USP36: variants seen among roughly 807,000 people sequenced by gnomAD.
USP36 encodes ubiquitin carboxyl-terminal hydrolase 36.
USP36 carries 59 observed loss-of-function variants against 111.5 expected under a neutral mutation model. That is an observed-to-expected ratio of 0.53 (90% CI 0.43 to 0.66). The LOEUF is 0.66. Among genes scored for constraint, USP36 ranks in the 30% least tolerant of loss-of-function variants. The probability of loss-of-function intolerance (pLI) is 0.00; values close to 1 mark genes in which losing one functional copy is unlikely to be tolerated. For missense variants in USP36, 1,488 were observed against 1,468.0 expected (o/e 1.01, Z -0.22); for synonymous variants, 628 against 581.0 (o/e 1.08, Z -1.16).
At chr17:78,825,975 A>G (rs1450023280) in intron 6 of USP36, among the ~76,000 whole-genome samples, 1 of 152,042 alleles carries the variant, frequency 6.6e-6, no homozygotes, top group African/African-American at 2.4e-5. Flanking sequence ...GTCTTCACCA[A>G]TTACACCATG....
At chr17:78,814,765 A>G (rs552988581) in intron 10 of USP36, among the ~76,000 whole-genome samples, 7 of 151,778 alleles carry the variant, frequency 4.6e-5, no homozygotes, top group East Asian at 1.9e-4. Flanking sequence ...CCTGACCAAT[A>G]TAGCGAAACC....
rs1024218089 is a variant in USP36 at position 78,796,858 on chromosome 17, T to C, written c.*1042A>G. 6.6e-6 allele frequency: 1 copy of C among 152,242 alleles called. No homozygotes were observed. The highest frequency in any genetic ancestry group is 2.4e-5 in the African/African-American group (1 of 41,454). 9.4% of individuals were successfully genotyped at this position (152,242 alleles called of 1,614,324 possible). A position where few individuals can be genotyped will look rare whatever the true frequency, so the allele number is the denominator to read the frequency against. ...ACACTTCCCACTACTATGAGGGCAT[T>C]TGTCTTTTTCCTGAAAATATCACCT... On this transcript the variant is annotated 3_prime_UTR_variant, in exon 21 of 21. Transcript: ENST00000449938.
Position 78,836,169 on chromosome 17 carries a change from G to A in USP36, c.195C>T (p.Pro65=), listed in dbSNP as rs2068648003. Reference sequence around the variant, plus strand: ...TGTGGCGACTAGCTCCCTCTGTTTTGGGGTTGAGCAACACATATTTGCTCT... The same window carrying A: ...TGTGGCGACTAGCTCCCTCTGTTTTAGGGTTGAGCAACACATATTTGCTCT... ...ALKSKYVLLN[P]KTEGASRHKS... is the part of the protein sequence containing the mutation. The change falls in exon 3 of 21, where the codon CCC becomes CCT. Residue 65 remains proline (P), a synonymous_variant. Transcript: ENST00000449938. 6.2e-7 allele frequency: 1 copy of A among 1,614,082 alleles called. No homozygotes were observed. Among genetic ancestry groups the A allele is most frequent in the Non-Finnish European group, 8.5e-7 (1 of 1,180,038 alleles).
chr17:78,812,834 T>G (rs755297384), intron 13 of USP36, 26 bp downstream of exon 13: 2 of 1,611,572 alleles, frequency 1.2e-6, no homozygotes, highest in Non-Finnish European at 1.7e-6. Context: ...ACCAGCCACT[T>G]TGGCCTCCAT....
At chr17:78,831,604 T>C (rs979077506) in intron 4 of USP36, among the ~76,000 whole-genome samples, 1 of 152,086 alleles carries the variant, frequency 6.6e-6, no homozygotes, top group Non-Finnish European at 1.5e-5. Flanking sequence ...ACAGAGACTC[T>C]GTCTCAAAAA....
intron 4 of USP36, among the ~76,000 whole-genome samples, chr17:78,830,726 T>C (rs2068005444): frequency 6.6e-6 from 1 of 152,144 alleles, no homozygotes; most frequent in African/African-American, 2.4e-5. Flanking sequence ...GCTTAGCAAA[T>C]AGACATTAAA....
At chr17:78,821,148 C>T (rs917582764) in intron 7 of USP36, 87 bp from the exon 8 acceptor site, 3 of 1,334,736 alleles carry the variant, frequency 2.2e-6, no homozygotes, top group African/African-American at 2.9e-5. Flanking sequence ...GGGAGGCAGA[C>T]TCTCAGCAGG....
intron 13 of USP36, among the ~76,000 whole-genome samples, chr17:78,808,648 T>C (rs1188339774): frequency 6.6e-6 from 1 of 152,166 alleles, no homozygotes; most frequent in Non-Finnish European, 1.5e-5. Context: ...TCTCCAACTG[T>C]TGAAATTAAA....
intron 3 of USP36, among the ~76,000 whole-genome samples, chr17:78,788,269 A>G (rs1013238093): frequency 1.4e-4 from 21 of 152,036 alleles, no homozygotes; most frequent in African/African-American, 5.1e-4. Flanking sequence ...GGTTCAAGCA[A>G]TTCTCCTGCC....
intron 6 of USP36, among the ~76,000 whole-genome samples, chr17:78,824,982 T>C (rs551592691): frequency 1.5e-4 from 23 of 152,236 alleles, no homozygotes; most frequent in Admixed American, 1.5e-3. Context: ...GTTACGAATA[T>C]CTAACCACAA....
chr17:78,809,537 C>A (rs2093997651), intron 13 of USP36, among the ~76,000 whole-genome samples: 1 of 152,170 alleles, frequency 6.6e-6, no homozygotes, highest in Admixed American at 6.5e-5. Flanking sequence ...AGCGCCCCTG[C>A]AGGTGTGCCT....
intron 13 of USP36, among the ~76,000 whole-genome samples, chr17:78,809,530 G>A (rs140651368): frequency 2.9e-4 from 44 of 152,234 alleles, no homozygotes; most frequent in African/African-American, 9.9e-4. Flanking sequence ...TCAGTGAAGC[G>A]CCCCTGCAGG....
chr17:78,801,454 A>C (rs1437258828), intron 17 of USP36, among the ~76,000 whole-genome samples: 2 of 152,250 alleles, frequency 1.3e-5, no homozygotes, highest in Non-Finnish European at 2.9e-5. Context: ...TGCCATAATC[A>C]GACCTTCCAG....
At chr17:78,823,947 C>A (rs2067302248) in intron 6 of USP36, among the ~76,000 whole-genome samples, 1 of 152,140 alleles carries the variant, frequency 6.6e-6, no homozygotes, top group African/African-American at 2.4e-5. Flanking sequence ...GCTTCAAGCA[C>A]AAAGCAGCAA....
intron 1 of USP36, among the ~76,000 whole-genome samples, chr17:78,839,733 C>A (rs564654931): frequency 3.5e-4 from 54 of 152,296 alleles, no homozygotes; most frequent in African/African-American, 1.3e-3. Flanking sequence ...TAAGCAATAA[C>A]CTAAACAACG....
intron 4 of USP36, among the ~76,000 whole-genome samples, chr17:78,829,457 T>C (rs1252608079): frequency 6.6e-6 from 1 of 152,216 alleles, no homozygotes; most frequent in African/African-American, 2.4e-5. Context: ...GCCTCAGATA[T>C]GGGACCGTCT....
chr17:78,819,297 T>C (rs2094261521), intron 9 of USP36, among the ~76,000 whole-genome samples: 1 of 152,148 alleles, frequency 6.6e-6, no homozygotes, highest in Non-Finnish European at 1.5e-5. Flanking sequence ...ATAAAGATAT[T>C]CAGCCGGCTG....
At chr17:78,811,499 T>A in intron 13 of USP36, among the ~76,000 whole-genome samples, 1 of 152,142 alleles carries the variant, frequency 6.6e-6, no homozygotes, top group East Asian at 1.9e-4. Context: ...ACAAAGACAC[T>A]CTCTTACATA....
At chr17:78,802,578 GA>G in intron 16 of USP36, 43 bp from the exon 17 acceptor site, 2 of 1,562,230 alleles carry the variant, frequency 1.3e-6, no homozygotes, top group Non-Finnish European at 8.6e-7. Flanking sequence ...GAGCAAATTG[GA>G]AGGGGAGCAG....
Sources: gnomAD v4.1 joint callset for allele counts (sites outside exome capture counted in the v4.1 genomes callset) on GRCh38, gnomAD v4.1.1 for gene constraint, MANE v1.5 for transcripts, NCBI Gene and HGNC (gene_info 2026-07-23, HGNC 2026-07-21) for gene names.